Variants in KLHL1 observed in about 807,000 individuals in gnomAD.
KLHL1 encodes the protein kelch like family member 1, also known as kelch-like protein 1.
KLHL1 carries 47 observed loss-of-function variants against 77.7 expected under a neutral mutation model. The observed-to-expected ratio is 0.60, with a 90% CI of 0.48 to 0.77. KLHL1 has a LOEUF of 0.77. Among genes scored for constraint, KLHL1 ranks in the 30% least tolerant of loss-of-function variants. KLHL1 has a pLI of 0.00. For synonymous variants in KLHL1, 360 were observed against 325.2 expected, an observed-to-expected ratio of 1.11 and a Z score of -1.15; for missense variants, 925 against 910.8, an observed-to-expected ratio of 1.02 and a Z score of -0.20.
chr13:70,068,320 G>T (rs1400706845), intron 1 of KLHL1, among the ~76,000 whole-genome samples: 1 of 151,178 alleles, frequency 6.6e-6, no homozygotes, highest in African/African-American at 2.4e-5. Context: ...CAGCCTGGGC[G>T]ACAGAGCGAG....
At chr13:70,092,398 A>G (rs1211552282) in intron 1 of KLHL1, among the ~76,000 whole-genome samples, 1 of 152,050 alleles carries the variant, frequency 6.6e-6, no homozygotes, top group Non-Finnish European at 1.5e-5. Flanking sequence ...TCACTACTCT[A>G]TGTGTTTCCA....
intron 1 of KLHL1, among the ~76,000 whole-genome samples, chr13:70,031,409 T>C (rs890931028): frequency 7.9e-5 from 12 of 152,138 alleles, no homozygotes; most frequent in African/African-American, 4.8e-5. Flanking sequence ...AAAAAAATAA[T>C]GTTTATAAAA....
chr13:69,726,732 A>T (rs1319348169), intron 8 of KLHL1, among the ~76,000 whole-genome samples: 1 of 152,070 alleles, frequency 6.6e-6, no homozygotes, highest in Non-Finnish European at 1.5e-5. Context: ...ACCAACCCAA[A>T]ACTGTCAGTT....
chr13:69,782,442 A>C (rs1172676627), intron 7 of KLHL1, among the ~76,000 whole-genome samples: 1 of 152,198 alleles, frequency 6.6e-6, no homozygotes, highest in Admixed American at 6.5e-5. Context: ...CGGCACCTGG[A>C]AAATCGGGTC....
At chr13:69,742,396 A>G (rs1287183683) in intron 7 of KLHL1, among the ~76,000 whole-genome samples, 2 of 152,180 alleles carry the variant, frequency 1.3e-5, no homozygotes, top group Admixed American at 1.3e-4. Flanking sequence ...GATGTGCAGA[A>G]ATATGAGAGA....
At chr13:69,715,243 A>T (rs1051887371) in intron 9 of KLHL1, among the ~76,000 whole-genome samples, 1 of 152,146 alleles carries the variant, frequency 6.6e-6, no homozygotes, top group African/African-American at 2.4e-5. Context: ...TTTGAATTGT[A>T]ATCCCCAGGT....
At chr13:70,026,703 GGTGTGTGTGTGTGTGT>G (rs3072710) in intron 1 of KLHL1, among the ~76,000 whole-genome samples, 5 of 85,256 alleles carry the variant, frequency 5.9e-5, no homozygotes, top group South Asian at 9.9e-4. Context: ...AAGAACTTAG[GGTGTGTGTGTGTGTGT>G]GTGTGTGTGT....
chr13:69,718,750 G>GA (rs1316513800), intron 9 of KLHL1, among the ~76,000 whole-genome samples: 1 of 152,108 alleles, frequency 6.6e-6, no homozygotes, highest in African/African-American at 2.4e-5. Flanking sequence ...TCCTAGGCCT[G>GA]AAGCCAAGGT....
chr13:69,765,530 A>G (rs558305247), intron 7 of KLHL1, among the ~76,000 whole-genome samples: 1 of 152,158 alleles, frequency 6.6e-6, no homozygotes, highest in Non-Finnish European at 1.5e-5. Flanking sequence ...AAAAACTCTT[A>G]TCTTTAATTC....
intron 2 of KLHL1, among the ~76,000 whole-genome samples, chr13:69,964,929 A>T (rs1413930949): frequency 6.6e-6 from 1 of 152,104 alleles, no homozygotes; most frequent in Non-Finnish European, 1.5e-5. Context: ...CTACAGTAAA[A>T]TTTGATTACA....
At chr13:69,835,960 A>G (rs1878971181) in intron 6 of KLHL1, among the ~76,000 whole-genome samples, 1 of 152,142 alleles carries the variant, frequency 6.6e-6, no homozygotes, top group Non-Finnish European at 1.5e-5. Flanking sequence ...ATTAGTTTGT[A>G]TCAGACAAAC....
chr13:69,731,974 A>G lies in KLHL1; in HGVS notation c.1802+8420T>C, dbSNP rs571458850. ...AAAAACATATACTTTAAAGACTTTA[A>G]AGATGATAAAAAGACTTTAAAGATG... On this transcript the variant is annotated intron_variant, in intron 8 of 10. Transcript: ENST00000377844. 5.9e-5 allele frequency among the ~76,000 whole-genome samples: 9 copies of G among 152,278 alleles called. No homozygotes were observed. The South Asian group carries it at 1.9e-3, about 32-fold the overall frequency.
chr13:69,819,982 T>C (rs899843135), intron 6 of KLHL1, among the ~76,000 whole-genome samples: 2 of 152,188 alleles, frequency 1.3e-5, no homozygotes, highest in African/African-American at 4.8e-5. Context: ...TGCAGGAAAG[T>C]TCACTTGGCA....
Position 70,098,858 on chromosome 13 carries a change from A to G in KLHL1, c.497+8345T>C, listed in dbSNP as rs1193278089. 3.9e-5 allele frequency among the ~76,000 whole-genome samples: 6 copies of G among 151,930 alleles called. No homozygotes were observed. The East Asian group carries it at 1.2e-3, about 29-fold the overall frequency. ...TTACATTTTTTTCAAGGCACCATGT[A>G]GCTTCAATGTGAATAAACAACCACT... On this transcript the variant is annotated intron_variant, in intron 1 of 10. Transcript: ENST00000377844.
At chr13:69,992,842 A>T (rs1056730925) in intron 1 of KLHL1, among the ~76,000 whole-genome samples, 2 of 152,014 alleles carry the variant, frequency 1.3e-5, no homozygotes, top group African/African-American at 2.4e-5. Context: ...TACTTAAATA[A>T]ATTAGTGAAG....
intron 6 of KLHL1, among the ~76,000 whole-genome samples, chr13:69,803,614 G>A (rs1419859587): frequency 6.6e-6 from 1 of 152,170 alleles, no homozygotes; most frequent in Non-Finnish European, 1.5e-5. Flanking sequence ...TGGCCTTGAT[G>A]ACGTGATCCC....
At chr13:70,040,652 G>A (rs1593696606) in intron 1 of KLHL1, among the ~76,000 whole-genome samples, 3 of 151,996 alleles carry the variant, frequency 2.0e-5, no homozygotes, top group African/African-American at 7.2e-5. Flanking sequence ...TTTGTCTTTA[G>A]TATTTGTAAG....
intron 6 of KLHL1, among the ~76,000 whole-genome samples, chr13:69,809,378 G>A (rs1877763169): frequency 6.6e-6 from 1 of 152,064 alleles, no homozygotes; most frequent in Non-Finnish European, 1.5e-5. Context: ...AATCTTACAA[G>A]CCAAAAGATA....
intron 8 of KLHL1, among the ~76,000 whole-genome samples, chr13:69,721,031 C>CCATTCTAT (rs1873020277): frequency 1.8e-5 from 1 of 54,340 alleles, no homozygotes; most frequent in African/African-American, 5.0e-5. Context: ...AACCTGCCTC[C>CCATTCTAT]CATTCTATTC....
Sources: gnomAD v4.1 joint callset for allele counts (sites outside exome capture counted in the v4.1 genomes callset) on GRCh38, gnomAD v4.1.1 for gene constraint, MANE v1.5 for transcripts, NCBI Gene and HGNC (gene_info 2026-07-23, HGNC 2026-07-21) for gene names.